The following CNTN5 variants were observed in gnomAD, a reference collection of about 807,000 sequenced individuals.
CNTN5 encodes contactin 5.
CNTN5 carries 77 observed loss-of-function variants against 129.1 expected under a neutral mutation model. The ratio of observed to expected loss-of-function variants is 0.60; its 90% CI spans 0.50 to 0.72. The LOEUF (loss-of-function observed/expected upper bound fraction) is 0.72. Among genes scored for constraint, CNTN5 ranks in the 30% least tolerant of loss-of-function variants. CNTN5 has a pLI of 0.00. For missense variants in CNTN5, 1,478 were observed against 1,328.8 expected (o/e 1.11, Z -1.75); for synonymous variants, 509 against 465.6 (o/e 1.09, Z -1.20).
chr11:99,654,044 A>G (rs1171929714), intron 3 of CNTN5, among the ~76,000 whole-genome samples: 1 of 152,026 alleles, frequency 6.6e-6, no homozygotes, highest in African/African-American at 2.4e-5. Flanking sequence ...GTTAATGAAT[A>G]TTTTTACCCT....
chr11:99,287,908 A>G (rs553579188), intron 1 of CNTN5, among the ~76,000 whole-genome samples: 2 of 152,042 alleles, frequency 1.3e-5, no homozygotes, highest in East Asian at 1.9e-4. Context: ...AAAAGAAGGA[A>G]AAAGAGGAAT....
chr11:100,163,491 T>C (rs1488836007), intron 13 of CNTN5, among the ~76,000 whole-genome samples: 6 of 151,872 alleles, frequency 4.0e-5, no homozygotes, highest in Non-Finnish European at 7.4e-5. Context: ...AATAATTCCC[T>C]TGGATGTCAT....
At chr11:100,176,725 C>T (rs1282423711) in intron 13 of CNTN5, among the ~76,000 whole-genome samples, 1 of 151,930 alleles carries the variant, frequency 6.6e-6, no homozygotes, top group East Asian at 1.9e-4. Flanking sequence ...GCAAGAGATC[C>T]ATGAGGGGAA....
intron 1 of CNTN5, among the ~76,000 whole-genome samples, chr11:99,323,875 A>G (rs1457556818): frequency 1.3e-5 from 2 of 152,172 alleles, no homozygotes; most frequent in African/African-American, 2.4e-5. Flanking sequence ...AGGGAGAAGA[A>G]AAAAGGAAGA....
At chr11:100,263,155 C>G (rs541304202) in intron 17 of CNTN5, among the ~76,000 whole-genome samples, 1 of 152,044 alleles carries the variant, frequency 6.6e-6, no homozygotes, top group African/African-American at 2.4e-5. Flanking sequence ...ATTTAACATA[C>G]TGGTATTTGA....
At chr11:99,317,262 G>T (rs1288058583) in intron 1 of CNTN5, among the ~76,000 whole-genome samples, 1 of 152,100 alleles carries the variant, frequency 6.6e-6, no homozygotes, top group East Asian at 1.9e-4. Flanking sequence ...AACCAATTCC[G>T]TGCTCTGTTA....
chr11:100,137,845 C>T (rs966813165), intron 13 of CNTN5, among the ~76,000 whole-genome samples: 1 of 152,076 alleles, frequency 6.6e-6, no homozygotes, highest in African/African-American at 2.4e-5. Flanking sequence ...AAGCATTACC[C>T]ATATTTCTTA....
Position 99,473,631 on chromosome 11 carries a change from A to AT in CNTN5, c.-70-82505dup, listed in dbSNP as rs201828476. Among the ~76,000 whole-genome samples, 1,210 of 151,394 alleles carry AT rather than the reference A, an allele frequency of 8.0e-3. 16 individuals are homozygous for AT. The highest frequency in any genetic ancestry group is 0.027 in the African/African-American group (1,115 of 41,242). On this transcript the variant is annotated intron_variant, in intron 2 of 24. Coordinates refer to ENST00000524871, the MANE Select transcript of CNTN5 (RefSeq NM_014361.4). ...GAGATTTATGTGTCCAACACTTTAA[A>AT]TTTTTTTTTAAATTTTTACACATTT...
chr11:99,490,310 T>C (rs1489001522), intron 2 of CNTN5, among the ~76,000 whole-genome samples: 1 of 152,084 alleles, frequency 6.6e-6, no homozygotes, highest in Non-Finnish European at 1.5e-5. Context: ...TATTACATAA[T>C]TTTTTTTCTC....
chr11:99,552,114 G>A (rs1180889377), intron 2 of CNTN5, among the ~76,000 whole-genome samples: 3 of 151,598 alleles, frequency 2.0e-5, no homozygotes, highest in Non-Finnish European at 4.4e-5. Context: ...CACCATGTTG[G>A]CCAGGCTGGT....
At chr11:100,077,578 TG>T (rs1297043152) in intron 13 of CNTN5, among the ~76,000 whole-genome samples, 3 of 151,994 alleles carry the variant, frequency 2.0e-5, no homozygotes, top group Non-Finnish European at 4.4e-5. Context: ...CCCAGCACTT[TG>T]GGGGGCCAAG....
intron 3 of CNTN5, among the ~76,000 whole-genome samples, chr11:99,773,809 G>A (rs1240002427): frequency 2.0e-5 from 3 of 152,014 alleles, no homozygotes; most frequent in African/African-American, 7.2e-5. Flanking sequence ...TCAAGTTCAT[G>A]AGCGTGACAC....
At chr11:100,070,706 C>G in intron 11 of CNTN5, 146 bp downstream of exon 11, 1 of 600,662 alleles carries the variant, frequency 1.7e-6, no homozygotes, top group East Asian at 2.9e-5. Context: ...ATGAATGTTA[C>G]GGGGATTAAC....
chr11:99,236,729 C>T (rs753666545), intron 1 of CNTN5, among the ~76,000 whole-genome samples: 4 of 152,142 alleles, frequency 2.6e-5, no homozygotes, highest in Non-Finnish European at 5.9e-5. Context: ...ACCACCTTTG[C>T]AAACAAATTA....
At chr11:99,981,351 G>A (rs1938338470) in intron 8 of CNTN5, among the ~76,000 whole-genome samples, 1 of 151,948 alleles carries the variant, frequency 6.6e-6, no homozygotes, top group Non-Finnish European at 1.5e-5. Flanking sequence ...AGGCCAGGAG[G>A]CCTGGAGCTC....
At chr11:99,750,629 T>G (rs1331511464) in intron 3 of CNTN5, among the ~76,000 whole-genome samples, 1 of 150,694 alleles carries the variant, frequency 6.6e-6, no homozygotes, top group Admixed American at 6.6e-5. Context: ...GAAGACAGAG[T>G]AAATGTTGCC....
chr11:100,070,951 G>A (rs908727764), intron 11 of CNTN5, among the ~76,000 whole-genome samples: 13 of 149,978 alleles, frequency 8.7e-5, no homozygotes, highest in Non-Finnish European at 1.2e-4. Context: ...AAAATTGCTC[G>A]GTATCTTCGT....
intron 3 of CNTN5, among the ~76,000 whole-genome samples, chr11:99,583,212 T>C (rs1249222383): frequency 2.0e-5 from 3 of 152,136 alleles, no homozygotes; most frequent in Non-Finnish European, 4.4e-5. Context: ...TACCCGGCCG[T>C]GTGAGGTGTT....
At chr11:99,665,065 C>T (rs1278264996) in intron 3 of CNTN5, among the ~76,000 whole-genome samples, 2 of 152,048 alleles carry the variant, frequency 1.3e-5, no homozygotes, top group Non-Finnish European at 2.9e-5. Flanking sequence ...AGTGATACTT[C>T]ATTGAATATA....
Sources: gnomAD v4.1 joint callset for allele counts (sites outside exome capture counted in the v4.1 genomes callset) on GRCh38, gnomAD v4.1.1 for gene constraint, MANE v1.5 for transcripts, NCBI Gene and HGNC (gene_info 2026-07-23, HGNC 2026-07-21) for gene names.